CRACDL: variants seen among roughly 807,000 people sequenced by gnomAD.
CRACDL encodes CRACD like, also known as CRACD-like protein.
A neutral mutation model predicts 70.6 loss-of-function variants in CRACDL; 26 were observed. That is an observed-to-expected ratio of 0.37 (90% confidence interval 0.27 to 0.51). The LOEUF (loss-of-function observed/expected upper bound fraction) is 0.51, where lower values mean the gene tolerates loss of function less well. CRACDL is among the 20% of genes least tolerant of loss of function. CRACDL has a pLI of 0.94. For missense variants in CRACDL, 1,283 were observed against 1,376.9 expected (o/e 0.93, Z 1.08); for synonymous variants, 618 against 615.2 (o/e 1.00, Z -0.07).
intron 1 of CRACDL, among the ~76,000 whole-genome samples, chr2:98,880,602 G>A (rs1477353877): frequency 6.6e-6 from 1 of 152,130 alleles, no homozygotes; most frequent in Non-Finnish European, 1.5e-5. Context: ...TGTTTGCAGG[G>A]TGTCTGCCCC....
At chr2:98,930,025 G>A (rs868125836) in intron 1 of CRACDL, among the ~76,000 whole-genome samples, 2 of 152,046 alleles carry the variant, frequency 1.3e-5, no homozygotes, top group Admixed American at 6.6e-5. Context: ...CTCAAAATTC[G>A]CTTCCCCACT....
At chr2:98,829,108 G>A (rs1374995430) in intron 5 of CRACDL, among the ~76,000 whole-genome samples, 3 of 152,228 alleles carry the variant, frequency 2.0e-5, no homozygotes, top group East Asian at 1.9e-4. Context: ...GAATGATCAC[G>A]GTGCCTGTGA....
chr2:98,826,838 G>A (rs1278075585), intron 6 of CRACDL, 137 bp downstream of exon 6: 2 of 602,950 alleles, frequency 3.3e-6, no homozygotes, highest in Admixed American at 5.5e-5. Context: ...AGCTCCTGCA[G>A]CATGGCTCCA....
At position 98,822,633 on chromosome 2, in the gene CRACDL, G is replaced by C; in HGVS notation, c.1640C>G (p.Ala547Gly). Residue 547 changes from alanine (A) to glycine (G), a missense_variant, in exon 7 of 10, where the codon GCG (alanine) becomes GGG (glycine). Coordinates refer to ENST00000397899, the MANE Select transcript of CRACDL (RefSeq NM_207362.3). The surrounding 1 kb of genome is among the most constrained non-coding windows in gnomAD (Gnocchi z 4.9). The part of the protein sequence containing the change: ...PERPKAERAE[A>G]PPAGAERAAP... ...CGCCCTCTCGGCGCCCGCCGGTGGC[G>C]CCTCGGCTCGCTCGGCCTTGGGGCG... 1 of 1,364,352 alleles carries C rather than the reference G, an allele frequency of 7.3e-7. No individual in the cohort carries two copies. The highest frequency in any genetic ancestry group is 9.4e-7 in the Non-Finnish European group (1 of 1,068,956). 84.5% of individuals were successfully genotyped at this position (1,364,352 alleles called of 1,614,324 possible).
At chr2:98,895,541 A>G (rs1232695020) in intron 1 of CRACDL, among the ~76,000 whole-genome samples, 3 of 152,306 alleles carry the variant, frequency 2.0e-5, no homozygotes, top group Non-Finnish European at 2.9e-5. Flanking sequence ...AAGGCCCTGG[A>G]AGAAATTCAG....
At chr2:98,841,518 A>T (rs894806479) in intron 2 of CRACDL, among the ~76,000 whole-genome samples, 17 of 152,188 alleles carry the variant, frequency 1.1e-4, no homozygotes, top group Non-Finnish European at 4.4e-5. Context: ...GTTAAAAAAA[A>T]CCTCGAAGTT....
At chr2:98,806,782 T>C (rs1704320312) in intron 7 of CRACDL, among the ~76,000 whole-genome samples, 1 of 152,224 alleles carries the variant, frequency 6.6e-6, no homozygotes, top group Non-Finnish European at 1.5e-5. Context: ...TACTTACACT[T>C]TGAAATGTAC....
chr2:98,926,014 T>A (rs1411001145), intron 1 of CRACDL, among the ~76,000 whole-genome samples: 1 of 152,200 alleles, frequency 6.6e-6, no homozygotes, highest in Non-Finnish European at 1.5e-5. Context: ...TGTATTTTTT[T>A]ACAATTTTTA....
chr2:98,879,450 T>A (rs1343046087), intron 1 of CRACDL, among the ~76,000 whole-genome samples: 1 of 152,238 alleles, frequency 6.6e-6, no homozygotes, highest in Non-Finnish European at 1.5e-5. Context: ...TTCTGAGACA[T>A]GCATTTAGAG....
chr2:98,866,438 T>TAGC (rs1242405696), intron 1 of CRACDL, among the ~76,000 whole-genome samples: 7 of 150,050 alleles, frequency 4.7e-5, no homozygotes, highest in African/African-American at 1.7e-4. Flanking sequence ...CAGAGGCACT[T>TAGC]AGCAGTAACA....
chr2:98,802,565 G>A (rs1014572080), intron 7 of CRACDL, among the ~76,000 whole-genome samples: 2 of 151,892 alleles, frequency 1.3e-5, no homozygotes, highest in Non-Finnish European at 2.9e-5. Flanking sequence ...ACGCCTACGT[G>A]GGACAGATTC....
In CRACDL at chr2:98,822,548, C is replaced by A; in HGVS notation, c.1725G>T (p.Ser575=). ...GAGGCCGCGCTCGGCACGAGGACAC[C>A]GAGAACTTCTTCGCGCCTCGCAGCT... The part of the protein sequence containing the change: ...GAELRGAKKF[S]VSSCRARPRP... The change falls in exon 7 of 10, where the codon TCG becomes TCT. Residue 575 remains serine (S), a synonymous_variant. Coordinates refer to ENST00000397899, the MANE Select transcript of CRACDL (RefSeq NM_207362.3). The surrounding 1 kb of genome is among the most constrained non-coding windows in gnomAD (Gnocchi z 4.9). The A allele has an allele frequency of 6.8e-7, 1 of 1,468,866 alleles. No homozygotes were observed. The highest frequency in any genetic ancestry group is 1.5e-5 in the African/African-American group (1 of 67,958). 91.0% of individuals were successfully genotyped at this position (1,468,866 alleles called of 1,614,324 possible). A position where few individuals can be genotyped will look rare whatever the true frequency, so the allele number is the denominator to read the frequency against.
chr2:98,876,261 G>C (rs1032307395), intron 1 of CRACDL, among the ~76,000 whole-genome samples: 2 of 152,156 alleles, frequency 1.3e-5, no homozygotes, highest in African/African-American at 4.8e-5. Context: ...TGAAAGTTTA[G>C]TAACTGAAAA....
At chr2:98,883,761 G>A (rs1707720133) in intron 1 of CRACDL, among the ~76,000 whole-genome samples, 1 of 152,206 alleles carries the variant, frequency 6.6e-6, no homozygotes, top group Admixed American at 6.5e-5. Context: ...AACAGCCTGG[G>A]CCTAGTAAGT....
chr2:98,916,691 G>A (rs1327299228), intron 1 of CRACDL, among the ~76,000 whole-genome samples: 1 of 151,770 alleles, frequency 6.6e-6, no homozygotes. Context: ...TTATTATCCT[G>A]AATTTTTTTT....
Position 98,822,791 on chromosome 2 carries a change from G to T in CRACDL, c.1482C>A (p.Pro494=). Residue 494 remains proline (P), a synonymous_variant, in exon 7 of 10, where the codon CCC becomes CCA. Coordinates refer to ENST00000397899, the MANE Select transcript of CRACDL (RefSeq NM_207362.3). This position sits in a 1 kb window ranked among gnomAD's most constrained non-coding sequence, Gnocchi z 4.9. Reference sequence around the variant, plus strand: ...CGGGCCGGTGTTTCAGGCAGCTCTTGGGCGCCGGCGGGCTCGGGGCGGGCG... The same window carrying T: ...CGGGCCGGTGTTTCAGGCAGCTCTTTGGCGCCGGCGGGCTCGGGGCGGGCG... The part of the protein sequence containing the change: ...STAPAPSPPA[P]KSCLKHRPAA... 2 of 1,358,218 alleles carry T rather than the reference G, an allele frequency of 1.5e-6. No individual in the cohort carries two copies. The highest frequency in any genetic ancestry group is 9.4e-7 in the Non-Finnish European group (1 of 1,060,448). 84.1% of individuals were successfully genotyped at this position (1,358,218 alleles called of 1,614,324 possible).
chr2:98,853,157 AACC>A (rs1706552744), intron 1 of CRACDL, among the ~76,000 whole-genome samples: 1 of 152,210 alleles, frequency 6.6e-6, no homozygotes, highest in Non-Finnish European at 1.5e-5. Context: ...ACTCCAAGAA[AACC>A]ACAACAAGGC....
intron 1 of CRACDL, among the ~76,000 whole-genome samples, chr2:98,914,121 G>T (rs1255543800): frequency 6.6e-6 from 1 of 152,242 alleles, no homozygotes; most frequent in Non-Finnish European, 1.5e-5. Flanking sequence ...CCCCTCTCAT[G>T]ACTAGGAGCC....
intron 5 of CRACDL, among the ~76,000 whole-genome samples, chr2:98,829,469 A>G (rs561776470): frequency 6.6e-6 from 1 of 152,260 alleles, no homozygotes; most frequent in South Asian, 2.1e-4. Flanking sequence ...CAGTGATGTA[A>G]CTACGTGAGG....
Sources: allele counts gnomAD v4.1 joint callset (sites outside exome capture counted in the v4.1 genomes callset), GRCh38; gene constraint gnomAD v4.1.1; non-coding constraint Gnocchi (gnomAD v3.1); transcripts MANE v1.5; gene names NCBI Gene and HGNC (gene_info 2026-07-23, HGNC 2026-07-21).